PLD5: variants seen among roughly 807,000 people sequenced by gnomAD.
The protein encoded by PLD5 is inactive phospholipase D5.
PLD5 carries 36 observed loss-of-function variants against 61.1 expected under a neutral mutation model. The observed-to-expected ratio is 0.59, with a 90% CI of 0.45 to 0.78. PLD5 has a LOEUF of 0.78. Ranked by LOEUF, PLD5 falls within the 30% of genes least tolerant of loss-of-function variation. The pLI, the probability that PLD5 is intolerant of heterozygous loss-of-function variation, is 0.00. For synonymous variants in PLD5, 243 were observed against 242.8 expected (o/e 1.00, Z -0.01); for missense variants, 515 against 644.4 (o/e 0.80, Z 2.17).
At chr1:242,298,926 T>C (rs1675873279) in intron 2 of PLD5, among the ~76,000 whole-genome samples, 1 of 152,062 alleles carries the variant, frequency 6.6e-6, no homozygotes, top group Non-Finnish European at 1.5e-5. Context: ...TGTTGATATT[T>C]CACTAATATA....
intron 6 of PLD5, among the ~76,000 whole-genome samples, chr1:242,117,959 C>T (rs1380203685): frequency 8.0e-6 from 1 of 124,858 alleles, no homozygotes; most frequent in Non-Finnish European, 1.6e-5. Flanking sequence ...AAGCCTGACT[C>T]TGAAATGTGT....
chr1:242,290,983 G>A (rs991847190), intron 2 of PLD5, among the ~76,000 whole-genome samples: 7 of 151,868 alleles, frequency 4.6e-5, no homozygotes, highest in Non-Finnish European at 8.8e-5. Flanking sequence ...CCCTTGACCC[G>A]CCCCCACATG....
intron 1 of PLD5, among the ~76,000 whole-genome samples, chr1:242,485,563 G>A (rs1347953458): frequency 6.6e-6 from 1 of 152,166 alleles, no homozygotes; most frequent in Non-Finnish European, 1.5e-5. Flanking sequence ...TGAAATAAAA[G>A]AGGATACAAA....
At chr1:242,347,662 G>A (rs1231325347) in intron 2 of PLD5, among the ~76,000 whole-genome samples, 2 of 152,336 alleles carry the variant, frequency 1.3e-5, no homozygotes, top group African/African-American at 2.4e-5. Context: ...GAGGAGCCCT[G>A]TGTCTTCTCA....
At chr1:242,173,707 C>G (rs1015171265) in intron 5 of PLD5, among the ~76,000 whole-genome samples, 5 of 152,096 alleles carry the variant, frequency 3.3e-5, no homozygotes, top group Non-Finnish European at 5.9e-5. Context: ...GAGATATAGA[C>G]CAATGGAATA....
chr1:242,387,102 A>T (rs1662644842), intron 1 of PLD5, among the ~76,000 whole-genome samples: 1 of 152,226 alleles, frequency 6.6e-6, no homozygotes, highest in South Asian at 2.1e-4. Flanking sequence ...AAATTTCACA[A>T]TAAAAAGTTC....
intron 1 of PLD5, among the ~76,000 whole-genome samples, chr1:242,495,851 C>A (rs1221935897): frequency 3.3e-5 from 5 of 152,136 alleles, no homozygotes; most frequent in Non-Finnish European, 5.9e-5. Flanking sequence ...TATCATCAGA[C>A]CCCCTAGGGA....
chr1:242,379,713 G>C (rs866077710), intron 1 of PLD5, among the ~76,000 whole-genome samples: 1 of 152,042 alleles, frequency 6.6e-6, no homozygotes, highest in Non-Finnish European at 1.5e-5. Flanking sequence ...TTTCTGACAG[G>C]TTGACCTCTT....
chr1:242,166,548 C>T (rs74649677), intron 5 of PLD5, among the ~76,000 whole-genome samples: 2,917 of 152,226 alleles, frequency 0.019, 105 homozygotes, highest in African/African-American at 0.067. Flanking sequence ...ATGCATCATT[C>T]GACTCCGAAA....
rs1455733012 is a variant in PLD5 at position 242,084,819 on chromosome 1, G to T, written c.*5035C>A. ...TATAGTGTTTCAAAGATGCCTCCTT[G>T]TGTGAATATACAAAACAGTGGGCCC... On this transcript the variant is annotated 3_prime_UTR_variant, in exon 10 of 10. Transcript: ENST00000536534. The T allele has an allele frequency of 8.8e-6, 1 of 113,372 alleles. No individual in the cohort carries two copies. Among genetic ancestry groups the T allele is most frequent in the Non-Finnish European group, 1.7e-5 (1 of 60,470 alleles). 7.0% of individuals were successfully genotyped at this position (113,372 alleles called of 1,614,324 possible). A position where few individuals can be genotyped will look rare whatever the true frequency, so the allele number is the denominator to read the frequency against.
chr1:242,226,132 T>C (rs1195426605), intron 4 of PLD5, among the ~76,000 whole-genome samples: 1 of 152,234 alleles, frequency 6.6e-6, no homozygotes. Flanking sequence ...TAATTAAATA[T>C]ATTTTTAAGA....
At chr1:242,323,860 T>C (rs564690479) in intron 2 of PLD5, among the ~76,000 whole-genome samples, 3 of 152,214 alleles carry the variant, frequency 2.0e-5, no homozygotes, top group East Asian at 1.9e-4. Context: ...CAGAAGATGA[T>C]TATGGCAGGC....
At chr1:242,140,247 C>T (rs1350990239) in intron 5 of PLD5, among the ~76,000 whole-genome samples, 1 of 152,208 alleles carries the variant, frequency 6.6e-6, no homozygotes, top group African/African-American at 2.4e-5. Flanking sequence ...CATAAAGATG[C>T]TTATCTAACC....
Position 242,288,499 on chromosome 1 carries a change from G to A in PLD5, c.358C>T (p.Leu120Phe), listed in dbSNP as rs1675160356. ...AATGGTGCATTTTCTGAATAGTTAA[G>A]GCCTTCAGGAATATTTTCCACCAGG... The part of the protein sequence containing the change: ...IALVENIPEG[L>F]NYSENAPFHL... Residue 120 changes from leucine (L) to phenylalanine (F), a missense_variant, in exon 3 of 10, where the codon CTT becomes TTT. Leu to Phe is a conservative substitution (Grantham distance 22). Coordinates refer to ENST00000536534, the MANE Select transcript of PLD5 (RefSeq NM_001372062.1). 1.3e-6 allele frequency: 2 copies of A among 1,594,168 alleles called. No individual in the cohort carries two copies. The highest frequency in any genetic ancestry group is 2.7e-5 in the African/African-American group (2 of 73,782).
intron 5 of PLD5, among the ~76,000 whole-genome samples, chr1:242,138,492 T>C (rs1435952672): frequency 1.3e-5 from 2 of 152,068 alleles, no homozygotes; most frequent in Admixed American, 6.6e-5. Flanking sequence ...CGAAGAACAC[T>C]GGAAGAAAAT....
chr1:242,486,421 A>C (rs1465392262), intron 1 of PLD5, among the ~76,000 whole-genome samples: 1 of 152,194 alleles, frequency 6.6e-6, no homozygotes, highest in African/African-American at 2.4e-5. Context: ...GACACTTCTC[A>C]AAAGAAGACA....
At chr1:242,366,470 A>T (rs376566071) in intron 1 of PLD5, among the ~76,000 whole-genome samples, 1 of 152,226 alleles carries the variant, frequency 6.6e-6, no homozygotes, top group South Asian at 2.1e-4. Flanking sequence ...TTACTGGACC[A>T]GTAATGAAAA....
At chr1:242,207,854 A>ATATT (rs1558344141) in intron 5 of PLD5, among the ~76,000 whole-genome samples, 4,082 of 47,366 alleles carry the variant, frequency 0.086, 1,503 homozygotes, top group East Asian at 0.24. Context: ...ATATATATTT[A>ATATT]TATATTTATA....
At chr1:242,470,626 T>A (rs866713436) in intron 1 of PLD5, among the ~76,000 whole-genome samples, 36 of 152,322 alleles carry the variant, frequency 2.4e-4, no homozygotes, top group Middle Eastern at 3.4e-3. Context: ...TGAATAATAC[T>A]TCCTATTATT....
Sources: allele counts gnomAD v4.1 joint callset (sites outside exome capture counted in the v4.1 genomes callset), GRCh38; gene constraint gnomAD v4.1.1; transcripts MANE v1.5; gene names NCBI Gene and HGNC (gene_info 2026-07-23, HGNC 2026-07-21).